Variants in CPB2 observed in about 807,000 individuals in gnomAD.
The protein encoded by CPB2 is carboxypeptidase B2.
In CPB2, 54 loss-of-function variants were observed where a neutral mutation model predicts 57.0. The observed-to-expected ratio is 0.95, with a 90% CI of 0.76 to 1.19. The LOEUF is 1.19. CPB2 is among the 50% of genes most tolerant of loss of function. CPB2 has a pLI of 0.00. For missense variants in CPB2, 426 were observed against 512.0 expected (o/e 0.83, Z 1.62); for synonymous variants, 189 against 178.1 (o/e 1.06, Z -0.49).
chr13:46,073,194 G>C (rs907492475), intron 6 of CPB2, among the ~76,000 whole-genome samples: 3 of 152,166 alleles, frequency 2.0e-5, no homozygotes, highest in Non-Finnish European at 4.4e-5. Flanking sequence ...TTATCAGAAA[G>C]ACACATATTT....
chr13:46,059,766 T>C (rs1450344369), intron 8 of CPB2, among the ~76,000 whole-genome samples: 4 of 152,252 alleles, frequency 2.6e-5, no homozygotes, highest in Non-Finnish European at 1.5e-5. Flanking sequence ...AGTCCATGGC[T>C]GAGGCTACTC....
chr13:46,078,563 T>C (rs2045058688), intron 5 of CPB2, among the ~76,000 whole-genome samples: 1 of 152,116 alleles, frequency 6.6e-6, no homozygotes. Context: ...TGGGTACTAA[T>C]CCAGACTGAC....
rs761396353 is a variant in CPB2 at position 46,082,517 on chromosome 13, T to C, written c.308A>G (p.Gln103Arg). 1 of 1,613,684 alleles carries C rather than the reference T, an allele frequency of 6.2e-7. No homozygotes were observed. The highest frequency in any genetic ancestry group is 8.5e-7 in the Non-Finnish European group (1 of 1,179,660). ...VLLADVEDLI[Q>R]QQISNDTVSP... ...GACTGTGTCGTTGGAAATCTGCTGT[T>C]GAATAAGATCTTCCACATCTGCCAG... Residue 103 changes from glutamine (Q) to arginine (R), a missense_variant, in exon 4 of 11, where the codon CAA becomes CGA. Gln to Arg is a conservative substitution (Grantham distance 43). Transcript: ENST00000181383.
chr13:46,058,815 C>T (rs2044732512), intron 8 of CPB2, among the ~76,000 whole-genome samples: 1 of 152,150 alleles, frequency 6.6e-6, no homozygotes, highest in East Asian at 1.9e-4. Flanking sequence ...TGTAAATCTG[C>T]CTTCAGTGCT....
chr13:46,056,202 G>A (rs1270552262), intron 9 of CPB2, among the ~76,000 whole-genome samples: 1 of 152,058 alleles, frequency 6.6e-6, no homozygotes, highest in Non-Finnish European at 1.5e-5. Flanking sequence ...CTCCATTTCT[G>A]AACAAAATTA....
intron 1 of CPB2, among the ~76,000 whole-genome samples, chr13:46,095,624 A>G (rs765969480): frequency 6.6e-6 from 1 of 152,138 alleles, no homozygotes; most frequent in Non-Finnish European, 1.5e-5. Context: ...GTTAACATCC[A>G]CTTGGGACAG....
chr13:46,066,368 T>G (rs2044854161), intron 7 of CPB2, among the ~76,000 whole-genome samples: 1 of 152,102 alleles, frequency 6.6e-6, no homozygotes, highest in African/African-American at 2.4e-5. Context: ...GTAATGCAAT[T>G]AGCAAATCCT....
At chr13:46,075,580 A>C (rs1454165986) in intron 5 of CPB2, among the ~76,000 whole-genome samples, 1 of 152,214 alleles carries the variant, frequency 6.6e-6, no homozygotes, top group African/African-American at 2.4e-5. Context: ...CTGATTGACC[A>C]ACTCAGTGAC....
At chr13:46,080,073 A>G (rs766165254) in intron 4 of CPB2, among the ~76,000 whole-genome samples, 48 of 152,266 alleles carry the variant, frequency 3.2e-4, no homozygotes, top group Non-Finnish European at 6.2e-4. Flanking sequence ...TTCCTCTAAC[A>G]GGAGAGGCTG....
At chr13:46,067,534 T>C in intron 6 of CPB2, 117 bp from the exon 7 acceptor site, 1 of 616,138 alleles carries the variant, frequency 1.6e-6, no homozygotes, top group Admixed American at 2.9e-5. Flanking sequence ...AGATTTAACT[T>C]TCAGAAAGAG....
chr13:46,095,973 T>C (rs567495152), intron 1 of CPB2, among the ~76,000 whole-genome samples: 53 of 149,348 alleles, frequency 3.5e-4, no homozygotes, highest in African/African-American at 1.3e-3. Flanking sequence ...TTCTGCCTCG[T>C]GGGTTCAAGT....
intron 7 of CPB2, among the ~76,000 whole-genome samples, chr13:46,065,401 C>T (rs1196428879): frequency 6.6e-6 from 1 of 151,892 alleles, no homozygotes; most frequent in Non-Finnish European, 1.5e-5. Context: ...CCGAGGCGGG[C>T]GGATCACGAG....
At chr13:46,068,509 G>A (rs2139366379) in intron 6 of CPB2, among the ~76,000 whole-genome samples, 1 of 152,300 alleles carries the variant, frequency 6.6e-6, no homozygotes, top group Non-Finnish European at 1.5e-5. Flanking sequence ...AGCAAAATTT[G>A]TAGAATGAAG....
intron 8 of CPB2, among the ~76,000 whole-genome samples, chr13:46,063,888 T>C (rs1403098628): frequency 3.3e-5 from 5 of 151,542 alleles, no homozygotes; most frequent in Non-Finnish European, 5.9e-5. Flanking sequence ...ATATTATTTA[T>C]TAAAGAAATT....
intron 5 of CPB2, among the ~76,000 whole-genome samples, chr13:46,076,647 G>A (rs2045027139): frequency 6.6e-6 from 1 of 152,042 alleles, no homozygotes; most frequent in Non-Finnish European, 1.5e-5. Context: ...TTCATATGGA[G>A]CCATAAGAGA....
At chr13:46,088,784 C>T (rs1467665) in intron 1 of CPB2, among the ~76,000 whole-genome samples, 121,294 of 152,132 alleles carry the variant, frequency 0.8, 48,799 homozygotes, top group African/African-American at 0.9. Context: ...ATTTGATTAT[C>T]GGCCATTCAT....
At chr13:46,082,140 T>C (rs1233523099) in intron 4 of CPB2, among the ~76,000 whole-genome samples, 1 of 152,184 alleles carries the variant, frequency 6.6e-6, no homozygotes, top group South Asian at 2.1e-4. Context: ...TTGGTGGCAG[T>C]TTTAATTAAA....
At chr13:46,067,055 G>T (rs1014930392) in intron 7 of CPB2, among the ~76,000 whole-genome samples, 2 of 151,546 alleles carry the variant, frequency 1.3e-5, no homozygotes, top group African/African-American at 4.9e-5. Context: ...AGGTAGAAGT[G>T]GGTAGAGAGA....
chr13:46,075,243 G>A (rs926312155), intron 5 of CPB2, among the ~76,000 whole-genome samples: 4 of 152,154 alleles, frequency 2.6e-5, no homozygotes, highest in African/African-American at 7.2e-5. Flanking sequence ...GCCACTAATC[G>A]TCAAATTGTA....
Sources: allele counts gnomAD v4.1 joint callset (sites outside exome capture counted in the v4.1 genomes callset), GRCh38; gene constraint gnomAD v4.1.1; transcripts MANE v1.5; gene names NCBI Gene and HGNC (gene_info 2026-07-23, HGNC 2026-07-21).